The following PHYKPL variants were observed in gnomAD, a reference collection of about 807,000 sequenced individuals.
The protein encoded by PHYKPL is 5-phosphonooxy-L-lysine phospho-lyase.
PHYKPL carries 42 observed loss-of-function variants against 51.3 expected under a neutral mutation model. The observed-to-expected ratio is 0.82, with a 90% CI of 0.64 to 1.06. The LOEUF (loss-of-function observed/expected upper bound fraction) is 1.06, where lower values mean the gene tolerates loss of function less well. Ranked by LOEUF, PHYKPL falls within the 50% of genes least tolerant of loss-of-function variation. The pLI, the probability that PHYKPL is intolerant of heterozygous loss-of-function variation, is 0.00. For missense variants in PHYKPL, 655 were observed against 586.6 expected (o/e 1.12, Z -1.20); for synonymous variants, 264 against 236.0 (o/e 1.12, Z -1.09).
At chr5:178,232,330 C>T (rs1763646830) in intron 1 of PHYKPL, 162 bp downstream of exon 1, 8 of 1,271,978 alleles carry the variant, frequency 6.3e-6, no homozygotes, top group East Asian at 3.4e-5. Flanking sequence ...CCGCCTCGGG[C>T]CCTAGAAGCT....
intron 6 of PHYKPL, chr5:178,223,767 C>T (rs1007563838): frequency 9.4e-6 from 3 of 319,176 alleles, no homozygotes; most frequent in African/African-American, 6.6e-5. Context: ...CTGTCGCCAA[C>T]AGTCTTCCCT....
Position 178,228,709 on chromosome 5 carries a change from T to TG in PHYKPL, c.338+1230dup, listed in dbSNP as rs1478943002. 38 of 679,018 alleles carry TG rather than the reference T, an allele frequency of 5.6e-5. No homozygotes were observed. The Admixed American group carries it at 7.9e-4, about 14-fold the overall frequency. 42.1% of individuals were successfully genotyped at this position (679,018 alleles called of 1,614,324 possible). A position where few individuals can be genotyped will look rare whatever the true frequency, so the allele number is the denominator to read the frequency against. Reference sequence around the variant, plus strand: ...TTCAACGCCACCACCTACGATTTGTTGGAATGTTCTCTCCCAGATACACTG... The same window carrying TG: ...TTCAACGCCACCACCTACGATTTGTTGGGAATGTTCTCTCCCAGATACACTG... On this transcript the variant is annotated intron_variant, in intron 3 of 12. Coordinates refer to ENST00000308158, the MANE Select transcript of PHYKPL (RefSeq NM_153373.4).
chr5:178,228,281 T>G (rs1762678102), intron 3 of PHYKPL: 3 of 479,610 alleles, frequency 6.3e-6, no homozygotes, highest in South Asian at 3.0e-5. Flanking sequence ...AGGGAAGGAG[T>G]GGCTAGAGAA....
At chr5:178,225,331 G>A (rs762415913) in intron 4 of PHYKPL, 24 bp downstream of exon 4, 5 of 1,613,722 alleles carry the variant, frequency 3.1e-6, no homozygotes, top group South Asian at 1.1e-5. Flanking sequence ...TTCTGGGAAC[G>A]GTAGGGCTGT....
chr5:178,212,057 A>G, intron 11 of PHYKPL, 87 bp from the exon 12 acceptor site: 2 of 1,450,290 alleles, frequency 1.4e-6, no homozygotes, highest in Admixed American at 1.7e-5. Context: ...ACTGGAGGAC[A>G]GTTTAGAGAT....
chr5:178,210,164 A>T (rs1208029249), intron 12 of PHYKPL: 5 of 1,613,794 alleles, frequency 3.1e-6, no homozygotes, highest in Non-Finnish European at 4.2e-6. Context: ...GGGCTACGGC[A>T]ACTACTGGAA....
At chr5:178,218,262 T>C (rs867597396) in intron 8 of PHYKPL, among the ~76,000 whole-genome samples, 1 of 144,586 alleles carries the variant, frequency 6.9e-6, no homozygotes, top group South Asian at 2.2e-4. Flanking sequence ...AACAGTCATA[T>C]AGACCCAAGG....
chr5:178,224,708 G>T lies in PHYKPL; in HGVS notation c.435C>A (p.Ser145Arg). 3.1e-6 allele frequency: 5 copies of T among 1,614,136 alleles called. No individual in the cohort carries two copies. The highest frequency in any genetic ancestry group is 4.2e-6 in the Non-Finnish European group (5 of 1,179,986). The change falls in exon 5 of 13, where the codon AGC becomes AGA. Residue 145 changes from serine to arginine, a missense_variant. Ser to Arg is a moderately radical substitution (Grantham distance 110). Transcript: ENST00000308158. Reference sequence around the variant, plus strand: ...TGTAGGGACTGATGTCAATCAGGGAGCTCAGGTGGCCGTGATACGCACTGG... The same window carrying T: ...TGTAGGGACTGATGTCAATCAGGGATCTCAGGTGGCCGTGATACGCACTGG... ...VLDHAYHGHL[S>R]SLIDISPYKF...
chr5:178,209,316 C>A, intron 12 of PHYKPL: 1 of 1,611,072 alleles, frequency 6.2e-7, no homozygotes, highest in Non-Finnish European at 8.5e-7. Context: ...GACCACTGTC[C>A]TCTTGACTTT....
intron 3 of PHYKPL, chr5:178,225,672 G>C (rs1398363223): frequency 4.7e-5 from 25 of 536,622 alleles, no homozygotes; most frequent in Non-Finnish European, 8.4e-5. Context: ...TATGTGTCAT[G>C]AAAGTTGTTT....
Position 178,231,459 on chromosome 5 carries a change from T to A in PHYKPL, c.124A>T (p.Met42Leu), listed in dbSNP as rs185169984. 2.0e-5 allele frequency: 33 copies of A among 1,614,160 alleles called. No homozygotes were observed. The East Asian group carries it at 6.2e-4, about 31-fold the overall frequency. Reference protein sequence around the residue: ...VKIVRAQGQYMYDEQGAEYID... With the variant: ...VKIVRAQGQYLYDEQGAEYID... Reference sequence around the variant, plus strand: ...TATTCTGCCCCCTGTTCATCGTACATGTACTGCCCTTGGGCCCGGACAATC... The same window carrying A: ...TATTCTGCCCCCTGTTCATCGTACAAGTACTGCCCTTGGGCCCGGACAATC... Residue 42 changes from methionine (M) to leucine (L), a missense_variant, in exon 2 of 13, where the codon ATG becomes TTG. Coordinates refer to ENST00000308158, the MANE Select transcript of PHYKPL (RefSeq NM_153373.4).
chr5:178,221,220 G>A (rs1228750807), intron 8 of PHYKPL, among the ~76,000 whole-genome samples: 6 of 152,256 alleles, frequency 3.9e-5, no homozygotes, highest in African/African-American at 9.6e-5. Flanking sequence ...GTAAAACAAA[G>A]AAATAAACAA....
intron 3 of PHYKPL, among the ~76,000 whole-genome samples, chr5:178,227,888 C>T (rs1178995382): frequency 6.6e-6 from 1 of 152,066 alleles, no homozygotes; most frequent in Non-Finnish European, 1.5e-5. Context: ...ATGGAGGAGG[C>T]AGGATTGATG....
intron 4 of PHYKPL, among the ~76,000 whole-genome samples, 160 bp downstream of exon 4, chr5:178,225,195 C>G (rs540947054): frequency 6.6e-6 from 1 of 152,330 alleles, no homozygotes; most frequent in East Asian, 1.9e-4. Flanking sequence ...GACAGAGCCT[C>G]TGGGAGGTCT....
intron 8 of PHYKPL, 39 bp downstream of exon 8, chr5:178,222,316 G>T (rs766813424): frequency 1.3e-6 from 2 of 1,565,534 alleles, no homozygotes; most frequent in Non-Finnish European, 1.7e-6. Flanking sequence ...GGGCCTATCA[G>T]AACCCATGTT....
chr5:178,213,590 A>G (rs1191738079), intron 10 of PHYKPL, among the ~76,000 whole-genome samples: 1 of 152,262 alleles, frequency 6.6e-6, no homozygotes, highest in African/African-American at 2.4e-5. Flanking sequence ...AATTATTCTT[A>G]GGAAGATGGC....
intron 8 of PHYKPL, among the ~76,000 whole-genome samples, chr5:178,218,172 G>T (rs1339416086): frequency 1.8e-5 from 2 of 109,498 alleles, no homozygotes; most frequent in East Asian, 5.1e-4. Context: ...AGTCGAGATC[G>T]CGCCACTGCA....
intron 8 of PHYKPL, among the ~76,000 whole-genome samples, chr5:178,217,364 G>T (rs1195446682): frequency 6.6e-6 from 1 of 151,840 alleles, no homozygotes; most frequent in Admixed American, 6.6e-5. Context: ...GGGACTATAG[G>T]TGCATGCCAC....
At position 178,224,675 on chromosome 5, in the gene PHYKPL, G is replaced by A. The variant is rs1265281741; in HGVS notation, c.468C>T (p.Arg156=). Residue 156 remains arginine (R), a synonymous_variant, in exon 5 of 13, where the codon CGC becomes CGT. Transcript: ENST00000308158. ...SLIDISPYKF[R]NLDGQKEWVH... ...CCCACTCCTTCTGGCCATCCAGGTTGCGGAACTTGTAGGGACTGATGTCAA... is the reference window on the plus strand; with the variant it reads ...CCCACTCCTTCTGGCCATCCAGGTTACGGAACTTGTAGGGACTGATGTCAA... 2 of 1,614,236 alleles carry A rather than the reference G, an allele frequency of 1.2e-6. No individual in the cohort carries two copies. Among genetic ancestry groups the A allele is most frequent in the East Asian group, 2.2e-5 (1 of 44,878 alleles).
Sources: gnomAD v4.1 joint callset for allele counts (sites outside exome capture counted in the v4.1 genomes callset) on GRCh38, gnomAD v4.1.1 for gene constraint, MANE v1.5 for transcripts, NCBI Gene and HGNC (gene_info 2026-07-23, HGNC 2026-07-21) for gene names.